RBFOX1: variants seen among roughly 807,000 people sequenced by gnomAD.
RBFOX1 encodes the protein RNA binding fox-1 homolog 1.
A neutral mutation model predicts 57.7 loss-of-function variants in RBFOX1; 8 were observed. The observed-to-expected ratio is 0.14, with a 90% CI of 0.08 to 0.25. The LOEUF (loss-of-function observed/expected upper bound fraction) is 0.25. RBFOX1 is among the 10% of genes least tolerant of loss of function. The pLI, the probability that RBFOX1 is intolerant of heterozygous loss-of-function variation, is 1.00. For missense variants in RBFOX1, 611 were observed against 548.5 expected (o/e 1.11, Z -1.14); for synonymous variants, 326 against 222.4 (o/e 1.47, Z -4.15).
intron 2 of RBFOX1, among the ~76,000 whole-genome samples, chr16:6,369,518 A>G (rs1600203267): frequency 6.6e-6 from 1 of 152,312 alleles, no homozygotes; most frequent in Non-Finnish European, 1.5e-5. Flanking sequence ...TCTAGTTCAT[A>G]TGAATTCCTC....
At chr16:7,597,081 T>A (rs914766669) in intron 8 of RBFOX1, 3 of 239,476 alleles carry the variant, frequency 1.3e-5, no homozygotes, top group African/African-American at 6.8e-5. Flanking sequence ...TGCTTTTAAA[T>A]CTTCAATTAT....
At chr16:6,880,176 C>T (rs1243618124) in intron 3 of RBFOX1, among the ~76,000 whole-genome samples, 2 of 151,876 alleles carry the variant, frequency 1.3e-5, no homozygotes, top group African/African-American at 4.8e-5. Flanking sequence ...TATTCCACCT[C>T]AATCTGTGTA....
chr16:6,360,878 C>T (rs1055436559), intron 2 of RBFOX1, among the ~76,000 whole-genome samples: 4 of 152,232 alleles, frequency 2.6e-5, no homozygotes, highest in African/African-American at 9.6e-5. Context: ...ATTTTGGAGA[C>T]CCTGAGTTTC....
chr16:6,070,771 C>G (rs940286941), intron 1 of RBFOX1, among the ~76,000 whole-genome samples: 60 of 151,902 alleles, frequency 3.9e-4, no homozygotes, highest in Admixed American at 1.1e-3. Context: ...TCTAGTTTCC[C>G]CAAGAAGTTA....
chr16:5,436,821 G>C (rs1234882247), intron 1 of RBFOX1, among the ~76,000 whole-genome samples: 1 of 151,674 alleles, frequency 6.6e-6, no homozygotes, highest in Non-Finnish European at 1.5e-5. Context: ...CTGGGTGACA[G>C]AGCAAGACTC....
chr16:6,837,488 A>C (rs1413238380), intron 3 of RBFOX1, among the ~76,000 whole-genome samples: 1 of 152,208 alleles, frequency 6.6e-6, no homozygotes, highest in Admixed American at 6.5e-5. Context: ...CTAGACATGG[A>C]TGAACATAAC....
chr16:6,678,465 C>A (rs908170503), intron 3 of RBFOX1, among the ~76,000 whole-genome samples: 2 of 151,570 alleles, frequency 1.3e-5, no homozygotes, highest in African/African-American at 4.9e-5. Flanking sequence ...GTGTGTGTAT[C>A]TGTGTGCGTG....
chr16:7,532,929 G>C (rs2080488114), intron 5 of RBFOX1, among the ~76,000 whole-genome samples: 1 of 152,232 alleles, frequency 6.6e-6, no homozygotes, highest in African/African-American at 2.4e-5. Flanking sequence ...CTGCATTCAG[G>C]CATCGGGCCA....
chr16:5,881,155 T>C lies in RBFOX1; in HGVS notation c.351+13820T>C, dbSNP rs566315481. ...ACTGTGTTCTATCTAGGAACCCCTG[T>C]AGAATCTTGGATCCCCAGTGAAGAA... On this transcript the variant is annotated intron_variant, in intron 4 of 19. Coordinates refer to the RBFOX1 transcript ENST00000641259. 1.1e-4 allele frequency among the ~76,000 whole-genome samples: 16 copies of C among 152,346 alleles called. No homozygotes were observed. In the East Asian group the frequency reaches 3.1e-3, roughly 29 times the overall value.
intron 1 of RBFOX1, among the ~76,000 whole-genome samples, chr16:5,437,359 A>C (rs952108169): frequency 3.3e-5 from 5 of 152,182 alleles, no homozygotes; most frequent in African/African-American, 7.2e-5. Context: ...TTTGGGAAAC[A>C]ATTTGGTATG....
rs79047002 is a variant in RBFOX1, at chr16:6,268,214, A to G, written c.-126-48781A>G. 2.1e-3 allele frequency among the ~76,000 whole-genome samples: 317 copies of G among 152,274 alleles called. 1 individual carries two copies. The highest frequency in any genetic ancestry group is 3.7e-3 in the Non-Finnish European group (254 of 68,022). ...ACAGTTTCCTCTCCAATTTGTTCAAATGCTTTTGTTTTGAATCTGTGTCCC... is the reference window on the plus strand; with the variant it reads ...ACAGTTTCCTCTCCAATTTGTTCAAGTGCTTTTGTTTTGAATCTGTGTCCC... On this transcript the variant is annotated intron_variant, in intron 1 of 15. Transcript: ENST00000550418.
intron 4 of RBFOX1, among the ~76,000 whole-genome samples, chr16:5,911,413 C>T (rs1045189679): frequency 2.0e-5 from 3 of 152,180 alleles, no homozygotes; most frequent in African/African-American, 7.2e-5. Flanking sequence ...TTGAGATAAG[C>T]ACAACTTCCC....
intron 4 of RBFOX1, among the ~76,000 whole-genome samples, chr16:7,210,286 A>G (rs916445526): frequency 6.6e-6 from 1 of 152,182 alleles, no homozygotes; most frequent in Non-Finnish European, 1.5e-5. Flanking sequence ...TCAGAAATCC[A>G]TGGGCCAGGC....
chr16:5,310,587 G>A (rs1431271668), intron 1 of RBFOX1, among the ~76,000 whole-genome samples: 27 of 152,110 alleles, frequency 1.8e-4, no homozygotes, highest in Admixed American at 1.8e-3. Context: ...AGAGATTCAT[G>A]GGCAGAGGCT....
rs545011705 is a variant in RBFOX1, at chr16:5,412,014, G to T, written c.220-55202G>T. Among the ~76,000 whole-genome samples the T allele has an allele frequency of 5.9e-5, 9 of 152,286 alleles. No homozygotes were observed. The South Asian group carries it at 1.2e-3, about 21-fold the overall frequency. Reference sequence around the variant, plus strand: ...TAATATTTCTAGATCGGTTAGTTATGAGAGTCACGGGCAGTTTCTTTGAGT... The same window carrying T: ...TAATATTTCTAGATCGGTTAGTTATTAGAGTCACGGGCAGTTTCTTTGAGT... On this transcript the variant is annotated intron_variant, in intron 1 of 2. Transcript: ENST00000585867.
At chr16:7,670,063 C>T (rs1490052142) in intron 13 of RBFOX1, among the ~76,000 whole-genome samples, 1 of 152,126 alleles carries the variant, frequency 6.6e-6, no homozygotes, top group African/African-American at 2.4e-5. Context: ...ACATAGCCTC[C>T]CTGTATCACC....
chr16:7,057,596 A>T (rs1303226423), intron 4 of RBFOX1, among the ~76,000 whole-genome samples: 2 of 152,102 alleles, frequency 1.3e-5, no homozygotes, highest in African/African-American at 4.8e-5. Context: ...TCAGTTGTTC[A>T]CTCTGGGCCA....
intron 2 of RBFOX1, among the ~76,000 whole-genome samples, chr16:6,644,009 C>A (rs1220380954): frequency 6.6e-6 from 1 of 152,070 alleles, no homozygotes; most frequent in Non-Finnish European, 1.5e-5. Flanking sequence ...ACCTGTAATC[C>A]CAGCTACTAG....
intron 3 of RBFOX1, among the ~76,000 whole-genome samples, chr16:6,769,454 C>G (rs1353788462): frequency 1.3e-5 from 2 of 152,216 alleles, no homozygotes; most frequent in African/African-American, 4.8e-5. Context: ...ATCTCCACTG[C>G]AACATTCTTT....
Sources: allele counts gnomAD v4.1 joint callset (sites outside exome capture counted in the v4.1 genomes callset), GRCh38; gene constraint gnomAD v4.1.1; transcripts MANE v1.5; gene names NCBI Gene and HGNC (gene_info 2026-07-23, HGNC 2026-07-21).